Variants in NOS1AP observed in about 807,000 individuals in gnomAD.
The protein encoded by NOS1AP is nitric oxide synthase 1 adaptor protein, also known as carboxyl-terminal PDZ ligand of neuronal nitric oxide synthase protein.
Under a neutral mutation model 56.2 loss-of-function variants are expected in NOS1AP, and 21 were observed. The observed-to-expected ratio is 0.37, with a 90% CI of 0.26 to 0.54. NOS1AP has a LOEUF of 0.54. Among genes scored for constraint, NOS1AP ranks in the 20% least tolerant of loss-of-function variants. The probability of loss-of-function intolerance (pLI) is 0.84; values close to 1 mark genes in which losing one functional copy is unlikely to be tolerated. For synonymous variants in NOS1AP, 270 were observed against 274.6 expected, an observed-to-expected ratio of 0.98 and a Z score of 0.17; for missense variants, 522 against 657.8, an observed-to-expected ratio of 0.79 and a Z score of 2.26.
intron 6 of NOS1AP, among the ~76,000 whole-genome samples, chr1:162,348,749 G>C (rs2101812267): frequency 6.6e-6 from 1 of 152,282 alleles, no homozygotes; most frequent in African/African-American, 2.4e-5. Flanking sequence ...GCTCTCCCCT[G>C]CTCGTGTAGG....
At chr1:162,073,039 AG>A (rs1691691182) in intron 1 of NOS1AP, among the ~76,000 whole-genome samples, 1 of 152,216 alleles carries the variant, frequency 6.6e-6, no homozygotes, top group Admixed American at 6.5e-5. Context: ...AGGGTTCTGC[AG>A]AGATTGAAAG....
chr1:162,075,885 C>T (rs1156480694), intron 1 of NOS1AP, among the ~76,000 whole-genome samples: 1 of 152,150 alleles, frequency 6.6e-6, no homozygotes, highest in Non-Finnish European at 1.5e-5. Context: ...TGTTCCTCCA[C>T]ACCTGGTATC....
rs72713841 is a variant in NOS1AP, at chr1:162,073,754, C to T, written c.105+3472C>T. 8.5e-3 allele frequency among the ~76,000 whole-genome samples: 1,290 copies of T among 152,352 alleles called. 11 individuals carry two copies. Among genetic ancestry groups the T allele is most frequent in the South Asian group, 0.023 (109 of 4,832 alleles). On this transcript the variant is annotated intron_variant, in intron 1 of 9. Transcript: ENST00000361897. ...GGATTACAGGCGTGAACCACTGCGC[C>T]CGGCTCAAACTTTTAATGCTTGGCT...
At chr1:162,130,255 G>A (rs1648690971) in intron 1 of NOS1AP, among the ~76,000 whole-genome samples, 1 of 152,216 alleles carries the variant, frequency 6.6e-6, no homozygotes. Context: ...CACAGAGAGG[G>A]TAAGTAACTA....
intron 8 of NOS1AP, among the ~76,000 whole-genome samples, chr1:162,358,838 G>A (rs2101823265): frequency 6.6e-6 from 1 of 152,300 alleles, no homozygotes; most frequent in African/African-American, 2.4e-5. Context: ...TTATCAGGGA[G>A]GCATTTGAAT....
intron 4 of NOS1AP, among the ~76,000 whole-genome samples, chr1:162,303,787 T>G (rs1376390381): frequency 6.6e-6 from 1 of 152,210 alleles, no homozygotes; most frequent in Non-Finnish European, 1.5e-5. Context: ...TTTAAGCATC[T>G]GTTCAAATCT....
chr1:162,352,590 T>C (rs1657551446), intron 6 of NOS1AP, among the ~76,000 whole-genome samples: 6 of 152,200 alleles, frequency 3.9e-5, no homozygotes, highest in Admixed American at 3.9e-4. Context: ...TTTTGGAGGC[T>C]GAGAAGTCCA....
chr1:162,131,829 C>T (rs993822178), intron 1 of NOS1AP, among the ~76,000 whole-genome samples: 2 of 152,056 alleles, frequency 1.3e-5, no homozygotes, highest in African/African-American at 2.4e-5. Flanking sequence ...CATATGGCCT[C>T]AGTCAGTATG....
rs551860910 is a variant in NOS1AP at position 162,245,069 on chromosome 1, G to A, written c.178-42275G>A. Among the ~76,000 whole-genome samples, 16 of 152,252 alleles carry A rather than the reference G, an allele frequency of 1.1e-4. 1 individual carries two copies. Among genetic ancestry groups the A allele is most frequent in the African/African-American group, 3.6e-4 (15 of 41,544 alleles). On this transcript the variant is annotated intron_variant, in intron 2 of 9. Transcript: ENST00000361897. Reference sequence around the variant, plus strand: ...GAGGAGGAGGGGACAAGGATAGGGCGAGGAAAGAGAGGAAACTAGTAGGAT... The same window carrying A: ...GAGGAGGAGGGGACAAGGATAGGGCAAGGAAAGAGAGGAAACTAGTAGGAT...
At chr1:162,325,306 G>C (rs773740234) in intron 4 of NOS1AP, among the ~76,000 whole-genome samples, 11 of 152,038 alleles carry the variant, frequency 7.2e-5, no homozygotes, top group Admixed American at 1.3e-4. Context: ...GATAGATGAG[G>C]AAAAGAATGA....
intron 2 of NOS1AP, among the ~76,000 whole-genome samples, chr1:162,239,280 G>A (rs1001147468): frequency 4.6e-5 from 7 of 152,306 alleles, no homozygotes; most frequent in African/African-American, 9.6e-5. Context: ...TCTAAGGAAC[G>A]TGTCTAGGAA....
At chr1:162,294,224 G>A (rs74870013) in intron 3 of NOS1AP, among the ~76,000 whole-genome samples, 1,805 of 149,748 alleles carry the variant, frequency 0.012, 44 homozygotes, top group African/African-American at 0.04. Flanking sequence ...AGGAAGGAAG[G>A]AAGAAAGAAA....
At chr1:162,224,161 G>A (rs553258539) in intron 2 of NOS1AP, among the ~76,000 whole-genome samples, 1 of 151,508 alleles carries the variant, frequency 6.6e-6, no homozygotes, top group Non-Finnish European at 1.5e-5. Flanking sequence ...GAGTGTTTTG[G>A]GGACAGAAAA....
At chr1:162,115,008 T>A (rs963268421) in intron 1 of NOS1AP, among the ~76,000 whole-genome samples, 1 of 152,248 alleles carries the variant, frequency 6.6e-6, no homozygotes, top group Admixed American at 6.5e-5. Context: ...AAGATTCTTA[T>A]GTCTCCTTGT....
At chr1:162,285,950 T>C (rs908056895) in intron 2 of NOS1AP, among the ~76,000 whole-genome samples, 1 of 152,120 alleles carries the variant, frequency 6.6e-6, no homozygotes, top group African/African-American at 2.4e-5. Flanking sequence ...CTTACCTCAG[T>C]TAGTGAGGTC....
At chr1:162,230,051 G>T (rs536098489) in intron 2 of NOS1AP, among the ~76,000 whole-genome samples, 109 of 152,298 alleles carry the variant, frequency 7.2e-4, no homozygotes, top group Non-Finnish European at 1.3e-3. Context: ...AGCAGCCTGT[G>T]TCCCTAGGGC....
chr1:162,139,121 C>T (rs6427650), intron 1 of NOS1AP, among the ~76,000 whole-genome samples: 105,614 of 152,072 alleles, frequency 0.69, 37,120 homozygotes, highest in Non-Finnish European at 0.73. Context: ...TATTTCACTC[C>T]GCCCTAGTGT....
At chr1:162,157,680 C>G (rs1001704176) in intron 2 of NOS1AP, among the ~76,000 whole-genome samples, 1 of 152,178 alleles carries the variant, frequency 6.6e-6, no homozygotes. Context: ...CTGATCCTGT[C>G]TAGAGCACTA....
chr1:162,121,867 T>C (rs763003687), intron 1 of NOS1AP, among the ~76,000 whole-genome samples: 1 of 152,188 alleles, frequency 6.6e-6, no homozygotes, highest in Non-Finnish European at 1.5e-5. Context: ...ACAGAGTACA[T>C]AAAGCAATAA....
Sources: gnomAD v4.1 joint callset for allele counts (sites outside exome capture counted in the v4.1 genomes callset) on GRCh38, gnomAD v4.1.1 for gene constraint, MANE v1.5 for transcripts, NCBI Gene and HGNC (gene_info 2026-07-23, HGNC 2026-07-21) for gene names.